SDK2: variants seen among roughly 807,000 people sequenced by gnomAD.
SDK2 encodes sidekick cell adhesion molecule 2, also known as protein sidekick-2.
In SDK2, 105 loss-of-function variants were observed where a neutral mutation model predicts 253.9. The ratio of observed to expected loss-of-function variants is 0.41; its 90% CI spans 0.35 to 0.49. The LOEUF is 0.49. SDK2 is among the 20% of genes least tolerant of loss of function. SDK2 has a pLI of 0.06. For missense variants in SDK2, 2,608 were observed against 3,003.0 expected (o/e 0.87, Z 3.07); for synonymous variants, 1,249 against 1,234.9 (o/e 1.01, Z -0.24).
At chr17:73,608,844 TG>T (rs1158346958) in intron 1 of SDK2, among the ~76,000 whole-genome samples, 2 of 152,226 alleles carry the variant, frequency 1.3e-5, no homozygotes, top group Non-Finnish European at 2.9e-5. Flanking sequence ...AGGATCACCG[TG>T]GCTACTGTCT....
chr17:73,440,747 G>A (rs1240882794), intron 6 of SDK2, 65 bp downstream of exon 6: 6 of 1,199,336 alleles, frequency 5.0e-6, no homozygotes, highest in Non-Finnish European at 7.2e-6. Context: ...TCTCCCTGGA[G>A]CCCGCAGTTT....
At chr17:73,549,713 G>T (rs1449873741) in intron 1 of SDK2, among the ~76,000 whole-genome samples, 2 of 152,074 alleles carry the variant, frequency 1.3e-5, no homozygotes, top group Non-Finnish European at 2.9e-5. Context: ...GACAGAATGC[G>T]GCAGGTCCCA....
In SDK2 at chr17:73,386,517, C is replaced by T. The variant is rs556280806; in HGVS notation, c.4426G>A (p.Val1476Met). Reference sequence around the variant, plus strand: ...TCGCCAATGTCATTGGTCGCCTTCACTCGGAACTTGTAGGACGTGAAGGGC... The same window carrying T: ...TCGCCAATGTCATTGGTCGCCTTCATTCGGAACTTGTAGGACGTGAAGGGC... ...LKPFTSYKFR[V>M]KATNDIGDSE... Residue 1476 changes from valine to methionine, a missense_variant, in exon 31 of 45, where the codon GTG becomes ATG. Val to Met is a conservative substitution (Grantham distance 21). Transcript: ENST00000392650. The T allele has an allele frequency of 9.6e-6, 15 of 1,560,176 alleles. No individual in the cohort carries two copies. The South Asian group carries it at 1.4e-4, about 15-fold the overall frequency.
At chr17:73,388,802 C>G (rs1408200499) in intron 29 of SDK2, among the ~76,000 whole-genome samples, 1 of 58,108 alleles carries the variant, frequency 1.7e-5, no homozygotes. Context: ...CTCCCTCCTT[C>G]CTTCCTTCCC....
intron 31 of SDK2, 116 bp from the exon 32 acceptor site, chr17:73,386,033 C>T: frequency 1.4e-6 from 1 of 696,396 alleles, no homozygotes; most frequent in Non-Finnish European, 2.4e-6. Context: ...GATCGCATCG[C>T]CCTCCATGCC....
At chr17:73,588,556 G>A (rs2045637887) in intron 1 of SDK2, among the ~76,000 whole-genome samples, 1 of 152,156 alleles carries the variant, frequency 6.6e-6, no homozygotes, top group Non-Finnish European at 1.5e-5. Flanking sequence ...CTAGGCTGCT[G>A]GTTCTCATCA....
chr17:73,435,502 G>A lies in SDK2; in HGVS notation c.1143C>T (p.Phe381=), dbSNP rs769338519. ...GCACCTCGCCGGCTGCATTGCGGGC[G>A]AAGCACTGGAACATGCCGGTATCAT... The part of the protein sequence containing the change: ...VPDDTGMFQC[F]ARNAAGEVQT... The change falls in exon 9 of 45, where the codon TTC becomes TTT. Residue 381 remains phenylalanine, a synonymous_variant. Transcript: ENST00000392650. The surrounding 1 kb of genome is among the most constrained non-coding windows in gnomAD (Gnocchi z 5.7). 1.0e-5 allele frequency: 16 copies of A among 1,600,862 alleles called. No individual in the cohort carries two copies. In the South Asian group the frequency reaches 1.0e-4, roughly 10 times the overall value.
At chr17:73,464,925 G>C (rs993090660) in intron 3 of SDK2, among the ~76,000 whole-genome samples, 2 of 151,856 alleles carry the variant, frequency 1.3e-5, no homozygotes, top group African/African-American at 4.8e-5. Flanking sequence ...TACTTTCTTC[G>C]AGGGCAGAGA....
intron 3 of SDK2, among the ~76,000 whole-genome samples, chr17:73,470,704 T>C (rs2063643641): frequency 6.6e-6 from 1 of 152,222 alleles, no homozygotes; most frequent in Non-Finnish European, 1.5e-5. Context: ...TCACTTGAGA[T>C]TTTCTTTTAG....
intron 2 of SDK2, among the ~76,000 whole-genome samples, chr17:73,502,360 G>A (rs1016133697): frequency 1.3e-5 from 2 of 152,180 alleles, no homozygotes; most frequent in South Asian, 2.1e-4. Context: ...TTGGAGAGCC[G>A]TGGGCTATGA....
rs61050632 is a variant in SDK2, at chr17:73,483,661, GTATATATATATATA to G, written c.225-11457_225-11444del. On this transcript the variant is annotated intron_variant, in intron 2 of 44. Transcript: ENST00000392650. ...TATATATGTGTGTGTGTGTGTGTGT[GTATATATATATATA>G]TATATATTTATATATATATATATAT... Among the ~76,000 whole-genome samples, 632 of 70,154 alleles carry G rather than the reference GTATATATATATATA, an allele frequency of 9.0e-3. 72 individuals are homozygous for G. Among genetic ancestry groups the G allele is most frequent in the African/African-American group, 0.011 (184 of 16,032 alleles). The allele number at this position is 70,154 out of a possible 152,430, so 46.0% of individuals were successfully genotyped here.
chr17:73,556,544 A>G (rs1409035760), intron 1 of SDK2, among the ~76,000 whole-genome samples: 1 of 152,216 alleles, frequency 6.6e-6, no homozygotes, highest in Non-Finnish European at 1.5e-5. Flanking sequence ...AGAGGCATTC[A>G]CGTTTGACCT....
rs1336669503 is a variant in SDK2 at position 73,423,047 on chromosome 17, A to AAATAGAT, written c.1897+338_1897+339insATCTATT. ...AAAAATGAATAAATAAATAAATAATAAATAAATAAAATGCAATGCGAATTA... is the reference window on the plus strand; with the variant it reads ...AAAAATGAATAAATAAATAAATAATAAATAGATAATAAATAAAATGCAATGCGAATTA... On this transcript the variant is annotated intron_variant, in intron 14 of 44. Transcript: ENST00000392650. 4.7e-3 allele frequency among the ~76,000 whole-genome samples: 405 copies of AAATAGAT among 86,586 alleles called. 3 individuals carry two copies. Among genetic ancestry groups the AAATAGAT allele is most frequent in the African/African-American group, 0.015 (383 of 25,884 alleles). The allele number at this position is 86,586 out of a possible 152,430, so 56.8% of individuals were successfully genotyped here.
intron 1 of SDK2, chr17:73,521,217 T>G (rs998412358): frequency 1.3e-5 from 2 of 151,584 alleles, no homozygotes; most frequent in African/African-American, 4.9e-5. Context: ...TATTTTGTAT[T>G]TTTAGTAGAG....
chr17:73,387,702 G>A, intron 30 of SDK2, 134 bp downstream of exon 30: 2 of 738,740 alleles, frequency 2.7e-6, no homozygotes, highest in Non-Finnish European at 4.3e-6. Flanking sequence ...GGGGCCGCCT[G>A]GGTGGTGCAT....
intron 1 of SDK2, among the ~76,000 whole-genome samples, chr17:73,635,279 C>T (rs928872918): frequency 1.3e-5 from 2 of 152,158 alleles, no homozygotes; most frequent in Non-Finnish European, 2.9e-5. Context: ...TGAACCACTG[C>T]GCCCGGCCCA....
Position 73,394,078 on chromosome 17 carries a change from G to A in SDK2, c.3708+131C>T, listed in dbSNP as rs190327355. On this transcript the variant is annotated intron_variant, in intron 26 of 44. Transcript: ENST00000392650. ...GGTTGCCATGGTGACCATTGGCTAG[G>A]ACGCCAGGCAGATCCCCTGTATCCA... The A allele has an allele frequency of 2.3e-5, 13 of 559,476 alleles. No individual in the cohort carries two copies. In the African/African-American group the frequency reaches 2.4e-4, roughly 10 times the overall value. The allele number at this position is 559,476 out of a possible 1,614,324, so 34.7% of individuals were successfully genotyped here. A position where few individuals can be genotyped will look rare whatever the true frequency, so the allele number is the denominator to read the frequency against.
Position 73,455,550 on chromosome 17 carries a change from C to G in SDK2, c.479+356G>C, listed in dbSNP as rs1206907330. Among the ~76,000 whole-genome samples the G allele has an allele frequency of 6.6e-6, 1 of 152,212 alleles. No homozygotes were observed. Among genetic ancestry groups the G allele is most frequent in the Admixed American group, 6.5e-5 (1 of 15,288 alleles). On this transcript the variant is annotated intron_variant, in intron 4 of 44. Transcript: ENST00000392650. This position sits in a 1 kb window ranked among gnomAD's most constrained non-coding sequence, Gnocchi z 5.0. Reference sequence around the variant, plus strand: ...GAGACGCCAGCCTCTCCAAGGTCCCCCAGCGCCACTGGCCTGAGTCCTGGG... The same window carrying G: ...GAGACGCCAGCCTCTCCAAGGTCCCGCAGCGCCACTGGCCTGAGTCCTGGG...
chr17:73,422,195 G>A, intron 15 of SDK2, 92 bp downstream of exon 15: 1 of 1,426,730 alleles, frequency 7.0e-7, no homozygotes, highest in Non-Finnish European at 9.6e-7. Flanking sequence ...GGGCCAGGAG[G>A]AGCTGAGCCA....
Sources: gnomAD v4.1 joint callset for allele counts (sites outside exome capture counted in the v4.1 genomes callset) on GRCh38, gnomAD v4.1.1 for gene constraint, Gnocchi (gnomAD v3.1) non-coding constraint, MANE v1.5 for transcripts, NCBI Gene and HGNC (gene_info 2026-07-23, HGNC 2026-07-21) for gene names.